CFAP95: variants seen among roughly 807,000 people sequenced by gnomAD.
The protein encoded by CFAP95 is cilia- and flagella-associated protein 95.
At chr9:69,902,764 C>G in the CFAP95 span, among the ~76,000 whole-genome samples, 1 of 151,962 alleles carries the variant, frequency 6.6e-6, no homozygotes, top group Non-Finnish European at 1.5e-5. Context: ...TAATTATACC[C>G]TCTAGGTTTC....
At chr9:69,824,773 C>T in the CFAP95 span, among the ~76,000 whole-genome samples, 141 of 152,246 alleles carry the variant, frequency 9.3e-4, no homozygotes, top group African/African-American at 3.3e-3. Flanking sequence ...TAAACTGAAA[C>T]ACACATAATA....
the CFAP95 span, among the ~76,000 whole-genome samples, chr9:69,889,170 AT>A: frequency 2.6e-5 from 4 of 152,208 alleles, no homozygotes; most frequent in East Asian, 5.8e-4. Context: ...TTCTGAACTG[AT>A]ACCCTCGTTC....
the CFAP95 span, among the ~76,000 whole-genome samples, chr9:69,872,376 C>T: frequency 6.6e-6 from 1 of 152,108 alleles, no homozygotes; most frequent in Non-Finnish European, 1.5e-5. Flanking sequence ...CCAAAGAATT[C>T]AATTCCTCAT....
the CFAP95 span, among the ~76,000 whole-genome samples, chr9:69,843,549 CTCCTCCTCCTTCTTCTTCTTCT>C: frequency 6.0e-4 from 14 of 23,498 alleles, 2 homozygotes; most frequent in Non-Finnish European, 8.4e-4. Flanking sequence ...CCTCCTCCTC[CTCCTCCTCCTTCTTCTTCTTCT>C]TCTTCTTCTT....
chr9:69,894,997 AAAG>A, the CFAP95 span, among the ~76,000 whole-genome samples: 1 of 140,182 alleles, frequency 7.1e-6, no homozygotes, highest in Non-Finnish European at 1.6e-5. Flanking sequence ...TCTCAAAAAA[AAAG>A]AAAAAAAAAA....
At chr9:69,841,349 C>A in the CFAP95 span, among the ~76,000 whole-genome samples, 1 of 151,430 alleles carries the variant, frequency 6.6e-6, no homozygotes, top group African/African-American at 2.4e-5. Flanking sequence ...TAGGGATGTA[C>A]TCCGGTTTTA....
chr9:69,851,180 A>G, the CFAP95 span, among the ~76,000 whole-genome samples: 5 of 152,170 alleles, frequency 3.3e-5, no homozygotes, highest in Non-Finnish European at 7.3e-5. Context: ...CGAGACTTGA[A>G]TTGGGCAATC....
chr9:69,824,439 A>C, the CFAP95 span, among the ~76,000 whole-genome samples: 9 of 152,216 alleles, frequency 5.9e-5, no homozygotes, highest in African/African-American at 2.2e-4. Context: ...AAGGCAAAAA[A>C]ATTTGAGTTG....
At chr9:69,870,543 A>G in the CFAP95 span, among the ~76,000 whole-genome samples, 1 of 152,202 alleles carries the variant, frequency 6.6e-6, no homozygotes, top group Non-Finnish European at 1.5e-5. Flanking sequence ...GATGGTTGCT[A>G]TACCTCCAAT....
At chr9:69,849,152 A>G in the CFAP95 span, among the ~76,000 whole-genome samples, 1 of 152,178 alleles carries the variant, frequency 6.6e-6, no homozygotes, top group East Asian at 1.9e-4. Context: ...TTACTTAGTT[A>G]TTAATAGTTT....
chr9:69,835,673 T>C, the CFAP95 span, among the ~76,000 whole-genome samples: 5 of 152,332 alleles, frequency 3.3e-5, no homozygotes, highest in Admixed American at 2.0e-4. Context: ...TAATGAGCAT[T>C]TACAATGTGT....
At chr9:69,840,059 A>C in the CFAP95 span, among the ~76,000 whole-genome samples, 1 of 149,868 alleles carries the variant, frequency 6.7e-6, no homozygotes, top group East Asian at 2.0e-4. Flanking sequence ...CCTGGGCAAC[A>C]AAAGCAAAAC....
chr9:69,836,434 G>A, the CFAP95 span, among the ~76,000 whole-genome samples: 170 of 152,184 alleles, frequency 1.1e-3, no homozygotes, highest in Non-Finnish European at 2.0e-3. Context: ...AGAAGTATAC[G>A]CAACAATGTC....
the CFAP95 span, among the ~76,000 whole-genome samples, chr9:69,829,753 C>T: frequency 1.3e-5 from 2 of 152,214 alleles, no homozygotes; most frequent in East Asian, 1.9e-4. Flanking sequence ...TGTGGGGCTT[C>T]GTGACATTTT....
chr9:69,855,238 T>A, the CFAP95 span, among the ~76,000 whole-genome samples: 31 of 152,332 alleles, frequency 2.0e-4, no homozygotes, highest in Non-Finnish European at 3.7e-4. Context: ...ACTCCTCTAT[T>A]TTATGTTTGG....
chr9:69,862,996 A>G, the CFAP95 span, among the ~76,000 whole-genome samples: 91,747 of 152,098 alleles, frequency 0.6, 28,027 homozygotes, highest in East Asian at 0.82. Flanking sequence ...TTCCATGTGC[A>G]TCACAGATGG....
chr9:69,862,476 C>T, the CFAP95 span, among the ~76,000 whole-genome samples: 1 of 152,150 alleles, frequency 6.6e-6, no homozygotes, highest in East Asian at 1.9e-4. Context: ...CAGTACAATG[C>T]TGTGGTGTTT....
At chr9:69,890,633 T>A in the CFAP95 span, among the ~76,000 whole-genome samples, 1 of 152,246 alleles carries the variant, frequency 6.6e-6, no homozygotes, top group Non-Finnish European at 1.5e-5. Context: ...GACTTCACCA[T>A]GTGGCCTTGC....
chr9:69,895,036 G>A, the CFAP95 span, among the ~76,000 whole-genome samples: 2 of 151,788 alleles, frequency 1.3e-5, no homozygotes, highest in African/African-American at 2.4e-5. Flanking sequence ...ACAGTGTGAT[G>A]GTTAATTTTC....
Sources: gnomAD v4.1 joint callset for allele counts (sites outside exome capture counted in the v4.1 genomes callset) on GRCh38, gnomAD v4.1.1 for gene constraint, MANE v1.5 for transcripts, NCBI Gene and HGNC (gene_info 2026-07-23, HGNC 2026-07-21) for gene names.